ITGA11: variants seen among roughly 807,000 people sequenced by gnomAD.
The protein encoded by ITGA11 is integrin alpha-11.
ITGA11 carries 97 observed loss-of-function variants against 141.9 expected under a neutral mutation model. The ratio of observed to expected loss-of-function variants is 0.68; its 90% CI spans 0.58 to 0.81. The LOEUF is 0.81. Ranked by LOEUF, ITGA11 falls within the 30% of genes least tolerant of loss-of-function variation. The pLI, the probability that ITGA11 is intolerant of heterozygous loss-of-function variation, is 0.00. For missense variants in ITGA11, 1,387 were observed against 1,559.2 expected (o/e 0.89, Z 1.86); for synonymous variants, 658 against 624.6 (o/e 1.05, Z -0.80).
Position 68,326,796 on chromosome 15 carries a change from C to T in ITGA11, c.2069G>A (p.Gly690Asp), listed in dbSNP as rs1209901593. 8.2e-6 allele frequency: 13 copies of T among 1,578,060 alleles called. No individual in the cohort carries two copies. The highest frequency in any genetic ancestry group is 1.1e-5 in the Non-Finnish European group (13 of 1,161,222). ...LAPHFQTTTV[G>D]IRYNATMDER... ...ATCCATGGTGGCGTTGTATCTGATGCCTGCAGGAGGGGAGAGGGCAAGACC... is the reference window on the plus strand; with the variant it reads ...ATCCATGGTGGCGTTGTATCTGATGTCTGCAGGAGGGGAGAGGGCAAGACC... Residue 690 changes from glycine to aspartate, a missense_variant and splice_region_variant, in exon 17 of 30, where the codon GGC (glycine) becomes GAC (aspartate). Gly to Asp is a moderately conservative substitution (Grantham distance 94, BLOSUM62 -1). Coordinates refer to ENST00000315757, the MANE Select transcript of ITGA11 (RefSeq NM_001004439.2). This position sits in a 1 kb window ranked among gnomAD's most constrained non-coding sequence, Gnocchi z 6.8.
At position 68,373,915 on chromosome 15, in the gene ITGA11, C is replaced by A. The variant is rs118127844; in HGVS notation, c.165-4631G>T. Among the ~76,000 whole-genome samples the A allele has an allele frequency of 4.1e-3, 624 of 152,304 alleles. 15 individuals carry two copies. The East Asian group carries it at 0.055, about 13-fold the overall frequency. The stretch of plus-strand genomic sequence containing the variant: ...GAACCCCTGGATCAAACTGTACCTG[C>A]AGCCTAACTACCACTGGGCTTTTCA... On this transcript the variant is annotated intron_variant, in intron 2 of 29. Transcript: ENST00000315757.
chr15:68,336,936 C>T (rs993144215), intron 11 of ITGA11, among the ~76,000 whole-genome samples: 4 of 152,198 alleles, frequency 2.6e-5, no homozygotes, highest in Non-Finnish European at 5.9e-5. Context: ...ACAGTTTTCA[C>T]TCTTGAGGCT....
At chr15:68,417,188 A>G (rs917430713) in intron 1 of ITGA11, among the ~76,000 whole-genome samples, 1 of 152,188 alleles carries the variant, frequency 6.6e-6, no homozygotes, top group African/African-American at 2.4e-5. Flanking sequence ...AGGACATTTC[A>G]CTTGGATGTC....
intron 1 of ITGA11, among the ~76,000 whole-genome samples, chr15:68,420,777 C>CA (rs1380147126): frequency 6.6e-6 from 1 of 152,064 alleles, no homozygotes; most frequent in Non-Finnish European, 1.5e-5. Context: ...ACTCAACAGA[C>CA]AAAAATCTTT....
intron 1 of ITGA11, among the ~76,000 whole-genome samples, chr15:68,412,000 G>C (rs1896781196): frequency 6.6e-6 from 1 of 152,002 alleles, no homozygotes; most frequent in Non-Finnish European, 1.5e-5. Context: ...AGTGAGCCCA[G>C]CAGAGCCACT....
At chr15:68,396,410 A>T (rs1003952060) in intron 2 of ITGA11, among the ~76,000 whole-genome samples, 1 of 152,082 alleles carries the variant, frequency 6.6e-6, no homozygotes, top group Non-Finnish European at 1.5e-5. Flanking sequence ...TGAATAGAAA[A>T]AAACTTCTTT....
intron 15 of ITGA11, among the ~76,000 whole-genome samples, chr15:68,329,496 GT>G (rs1486792071): frequency 6.6e-6 from 1 of 152,214 alleles, no homozygotes; most frequent in Non-Finnish European, 1.5e-5. Context: ...AATTTCATCA[GT>G]ATTTAGGTAG....
intron 2 of ITGA11, among the ~76,000 whole-genome samples, chr15:68,400,413 TA>T (rs1302269976): frequency 6.7e-6 from 1 of 149,374 alleles, no homozygotes; most frequent in African/African-American, 2.5e-5. Flanking sequence ...AAAATATTGA[TA>T]AATTAGACTT....
intron 2 of ITGA11, among the ~76,000 whole-genome samples, chr15:68,386,632 C>G (rs772202205): frequency 6.6e-6 from 1 of 152,204 alleles, no homozygotes; most frequent in Admixed American, 6.5e-5. Flanking sequence ...AGGCTCCGGT[C>G]AGTTCTGCAG....
chr15:68,342,160 A>G (rs1448080555), intron 10 of ITGA11, among the ~76,000 whole-genome samples: 1 of 152,194 alleles, frequency 6.6e-6, no homozygotes, highest in East Asian at 1.9e-4. Flanking sequence ...GTGGGGCAAA[A>G]AAAGAGAAGG....
At chr15:68,313,334 G>T (rs1443607821) in intron 23 of ITGA11, among the ~76,000 whole-genome samples, 1 of 152,116 alleles carries the variant, frequency 6.6e-6, no homozygotes, top group East Asian at 1.9e-4. Flanking sequence ...AAGGGGGTGG[G>T]GGTGGGAGCA....
In ITGA11 at chr15:68,328,567, T is replaced by C. The variant is rs1035000679; in HGVS notation, c.1902-305A>G. ...CTGACTTCCCTTTGCTCCCTCATCA[T>C]CTTTTATAGCAGTGGTTCCCCACCC... On this transcript the variant is annotated intron_variant, in intron 15 of 29. Transcript: ENST00000315757. The surrounding 1 kb of genome is among the most constrained non-coding windows in gnomAD (Gnocchi z 4.8). 2.0e-5 allele frequency among the ~76,000 whole-genome samples: 3 copies of C among 152,160 alleles called. No individual in the cohort carries two copies. Among genetic ancestry groups the C allele is most frequent in the African/African-American group, 7.2e-5 (3 of 41,434 alleles).
chr15:68,303,957 G>A lies in ITGA11; in HGVS notation c.3382-72C>T, dbSNP rs1489822064. 1.1e-6 allele frequency: 1 copy of A among 941,098 alleles called. No homozygotes were observed. Among genetic ancestry groups the A allele is most frequent in the Non-Finnish European group, 1.7e-6 (1 of 586,760 alleles). 58.3% of individuals were successfully genotyped at this position (941,098 alleles called of 1,614,324 possible). A position where few individuals can be genotyped will look rare whatever the true frequency, so the allele number is the denominator to read the frequency against. ...TGGGGTGGCAGTCTGGGAGGGGCAG[G>A]AGGGTGGAGACAGCTGGCACCTGGT... is the stretch of plus-strand genomic sequence containing the variant. On this transcript the variant is annotated intron_variant, in intron 28 of 29. Coordinates refer to ENST00000315757, the MANE Select transcript of ITGA11 (RefSeq NM_001004439.2). The surrounding 1 kb of genome is among the most constrained non-coding windows in gnomAD (Gnocchi z 5.3).
At position 68,326,579 on chromosome 15, in the gene ITGA11, G is replaced by A. The variant is rs1893977497; in HGVS notation, c.2211+75C>T. On this transcript the variant is annotated intron_variant, in intron 17 of 29. Transcript: ENST00000315757. The surrounding 1 kb of genome is among the most constrained non-coding windows in gnomAD (Gnocchi z 6.8). ...CTGGGGGCTTAGAACCAGCCAGGCA[G>A]ACTCTCTGCCTCTCCCACGGCAGAT... The A allele has an allele frequency of 2.0e-6, 3 of 1,473,268 alleles. No homozygotes were observed. The Admixed American group carries it at 6.6e-5, about 33-fold the overall frequency. The allele number at this position is 1,473,268 out of a possible 1,614,324, so 91.3% of individuals were successfully genotyped here.
rs542715401 is a variant in ITGA11 at position 68,346,561 on chromosome 15, T to C, written c.1131+2269A>G. Among the ~76,000 whole-genome samples the C allele has an allele frequency of 4.6e-5, 7 of 152,330 alleles. No homozygotes were observed. In the East Asian group the frequency reaches 1.2e-3, roughly 25 times the overall value. ...GTACAGAGTCTGACACACATGAAGA[T>C]ACTCAAAAAATGGCTGTGAATGGAC... On this transcript the variant is annotated intron_variant, in intron 10 of 29. Transcript: ENST00000315757.
In ITGA11 at chr15:68,325,101, C is replaced by G; in HGVS notation, c.2322+30G>C. The G allele has an allele frequency of 1.3e-6, 2 of 1,543,872 alleles. No homozygotes were observed. The highest frequency in any genetic ancestry group is 1.8e-6 in the Non-Finnish European group (2 of 1,116,068). On this transcript the variant is annotated intron_variant, in intron 18 of 29. Coordinates refer to ENST00000315757, the MANE Select transcript of ITGA11 (RefSeq NM_001004439.2). The surrounding 1 kb of genome is among the most constrained non-coding windows in gnomAD (Gnocchi z 5.5). ...GTGGAGGTGGGGGTGGGGTTCATGC[C>G]CGAGGTGCGTGCCCTGTACCGAGAT...
chr15:68,398,507 C>T (rs1896378722), intron 2 of ITGA11, among the ~76,000 whole-genome samples: 1 of 150,720 alleles, frequency 6.6e-6, no homozygotes. Flanking sequence ...TAAAGGAAGT[C>T]CTGAGTGACC....
chr15:68,331,837 C>T (rs7167822), intron 14 of ITGA11, 22 bp downstream of exon 14: 1,162,121 of 1,594,212 alleles, frequency 0.73, 432,785 homozygotes, highest in East Asian at 0.83. Context: ...TTGCTCCATC[C>T]GCTTCCCCAG....
chr15:68,352,808 C>A (rs1400380517), intron 7 of ITGA11, among the ~76,000 whole-genome samples: 1 of 150,926 alleles, frequency 6.6e-6, no homozygotes, highest in Non-Finnish European at 1.5e-5. Flanking sequence ...GGCACCTCGA[C>A]CGTCAATTGG....
Sources: gnomAD v4.1 joint callset for allele counts (sites outside exome capture counted in the v4.1 genomes callset) on GRCh38, gnomAD v4.1.1 for gene constraint, Gnocchi (gnomAD v3.1) non-coding constraint, MANE v1.5 for transcripts, NCBI Gene and HGNC (gene_info 2026-07-23, HGNC 2026-07-21) for gene names.